ROBO1: variants seen among roughly 807,000 people sequenced by gnomAD.
ROBO1 encodes roundabout guidance receptor 1, also known as roundabout homolog 1.
In ROBO1, 149 loss-of-function variants were observed where a neutral mutation model predicts 195.9. That is an observed-to-expected ratio of 0.76 (90% CI 0.67 to 0.87). ROBO1 has a LOEUF of 0.87. Ranked by LOEUF, ROBO1 falls within the 40% of genes least tolerant of loss-of-function variation. ROBO1 has a pLI of 0.00. For synonymous variants in ROBO1, 816 were observed against 733.2 expected (o/e 1.11, Z -1.82); for missense variants, 1,933 against 2,068.3 (o/e 0.93, Z 1.27).
intron 1 of ROBO1, among the ~76,000 whole-genome samples, chr3:79,727,738 G>T (rs1049355284): frequency 6.6e-6 from 1 of 152,040 alleles, no homozygotes; most frequent in Admixed American, 6.6e-5. Context: ...TATCCTGCCT[G>T]CACCCTTTTA....
chr3:78,752,492 G>A (rs2082822337), intron 4 of ROBO1, among the ~76,000 whole-genome samples: 1 of 152,100 alleles, frequency 6.6e-6, no homozygotes, highest in South Asian at 2.1e-4. Context: ...GGATCAGAAA[G>A]CATATCATAA....
At chr3:79,739,447 G>T (rs1285211220) in intron 1 of ROBO1, among the ~76,000 whole-genome samples, 2 of 152,180 alleles carry the variant, frequency 1.3e-5, no homozygotes, top group Non-Finnish European at 2.9e-5. Flanking sequence ...GTCTGGGTTT[G>T]GTTTAACTCC....
chr3:78,688,482 A>G (rs2081098503), intron 9 of ROBO1, among the ~76,000 whole-genome samples, 166 bp downstream of exon 9: 1 of 152,194 alleles, frequency 6.6e-6, no homozygotes, highest in African/African-American at 2.4e-5. Context: ...CGGTGAAGAC[A>G]ATTTTGTCTT....
chr3:79,366,563 C>T (rs1310481390), intron 2 of ROBO1, among the ~76,000 whole-genome samples: 1 of 152,062 alleles, frequency 6.6e-6, no homozygotes, highest in Non-Finnish European at 1.5e-5. Context: ...GTTTTATATG[C>T]CCTCCTTACT....
chr3:79,693,942 TC>T (rs1312761384), intron 1 of ROBO1, among the ~76,000 whole-genome samples: 2 of 151,712 alleles, frequency 1.3e-5, no homozygotes, highest in Admixed American at 1.3e-4. Flanking sequence ...TTTTCAAAAT[TC>T]AGACTCTTTT....
At chr3:78,872,159 G>C (rs1444230607) in intron 4 of ROBO1, among the ~76,000 whole-genome samples, 1 of 152,114 alleles carries the variant, frequency 6.6e-6, no homozygotes, top group African/African-American at 2.4e-5. Flanking sequence ...ACTCTAGCCT[G>C]GGGAATTTTC....
rs2083149272 is a variant in ROBO1 at position 78,763,219 on chromosome 3, A to G, written c.500-16319T>C. 2.0e-5 allele frequency among the ~76,000 whole-genome samples: 3 copies of G among 152,200 alleles called. No individual in the cohort carries two copies. The South Asian group carries it at 6.2e-4, about 31-fold the overall frequency. On this transcript the variant is annotated intron_variant, in intron 4 of 30. Coordinates refer to ENST00000464233, the MANE Select transcript of ROBO1 (RefSeq NM_002941.4). ...AGTGTTGGTATCAAAGCAACAATTAAGCAAAAGAGAAGACAAAAGAACAAC... is the reference window on the plus strand; with the variant it reads ...AGTGTTGGTATCAAAGCAACAATTAGGCAAAAGAGAAGACAAAAGAACAAC...
rs182014461 is a variant in ROBO1, at chr3:79,158,799, T to A, written c.89-33260A>T. On this transcript the variant is annotated intron_variant, in intron 2 of 30. Coordinates refer to ENST00000464233, the MANE Select transcript of ROBO1 (RefSeq NM_002941.4). ...CTCTATGTTCATACCATATTTAATA[T>A]GGGTTTTTGTATTTACTTATAATAT... Among the ~76,000 whole-genome samples the A allele has an allele frequency of 5.5e-3, 830 of 152,050 alleles. 2 individuals are homozygous for A. The highest frequency in any genetic ancestry group is 9.8e-3 in the Non-Finnish European group (666 of 67,890).
rs376936328 is a variant in ROBO1, at chr3:78,696,975, T to C, written c.1046-8203A>G. Among the ~76,000 whole-genome samples the C allele has an allele frequency of 7.1e-3, 1,081 of 151,820 alleles. 1 individual carries two copies. Among genetic ancestry groups the C allele is most frequent in the South Asian group, 0.011 (52 of 4,808 alleles). On this transcript the variant is annotated intron_variant, in intron 8 of 30. Transcript: ENST00000464233. ...AAATCTTTATATGTTGAACGAAATA[T>C]CCATCTTTTTTGAAACATCAAAACA...
intron 3 of ROBO1, among the ~76,000 whole-genome samples, chr3:79,117,380 C>CAA (rs1006297506): frequency 1.4e-5 from 2 of 140,292 alleles, no homozygotes; most frequent in African/African-American, 5.2e-5. Context: ...AAAACAAAAA[C>CAA]AAAAAAAAAA....
intron 4 of ROBO1, among the ~76,000 whole-genome samples, chr3:78,839,236 A>AT (rs1165188082): frequency 2.0e-5 from 3 of 152,070 alleles, no homozygotes; most frequent in Admixed American, 6.6e-5. Context: ...ATCCTAAGTT[A>AT]TTTTTTTAAA....
At chr3:79,077,798 T>C (rs1410587924) in intron 3 of ROBO1, among the ~76,000 whole-genome samples, 1 of 151,920 alleles carries the variant, frequency 6.6e-6, no homozygotes, top group Non-Finnish European at 1.5e-5. Context: ...TGCCAAATGC[T>C]GAAAGCCAAA....
intron 3 of ROBO1, among the ~76,000 whole-genome samples, chr3:79,025,454 T>C (rs1327648858): frequency 6.6e-6 from 1 of 152,152 alleles, no homozygotes; most frequent in Non-Finnish European, 1.5e-5. Flanking sequence ...TTTGTTTACT[T>C]TTTTAGTCCC....
intron 27 of ROBO1, among the ~76,000 whole-genome samples, chr3:78,617,259 TTAG>T (rs1453923977): frequency 6.6e-6 from 1 of 152,136 alleles, no homozygotes; most frequent in African/African-American, 2.4e-5. Context: ...ACACAAAAAA[TTAG>T]AGTATACATT....
At chr3:79,575,550 T>C (rs1458694019) in intron 2 of ROBO1, among the ~76,000 whole-genome samples, 3 of 139,870 alleles carry the variant, frequency 2.1e-5, no homozygotes, top group Non-Finnish European at 4.6e-5. Context: ...TATAAATATA[T>C]ATAACAAATA....
chr3:78,643,479 G>C (rs1186020948), intron 21 of ROBO1, among the ~76,000 whole-genome samples: 1 of 152,082 alleles, frequency 6.6e-6, no homozygotes, highest in Non-Finnish European at 1.5e-5. Context: ...GTCGCTGGGT[G>C]GGGAGACAGT....
chr3:79,199,875 G>A (rs2081729785), intron 2 of ROBO1, among the ~76,000 whole-genome samples: 1 of 151,664 alleles, frequency 6.6e-6, no homozygotes, highest in African/African-American at 2.4e-5. Flanking sequence ...GCCCTGTACT[G>A]AATAAAGTGA....
rs545519125 is a variant in ROBO1 at position 79,000,814 on chromosome 3, A to G, written c.173-61887T>C. ...ATAAATCATTCTACTATAAAGACAC[A>G]TGCACACGTATGTTTACTGCAGCAC... is the stretch of plus-strand genomic sequence containing the variant. On this transcript the variant is annotated intron_variant, in intron 3 of 30. Transcript: ENST00000464233. Among the ~76,000 whole-genome samples, 4 of 152,300 alleles carry G rather than the reference A, an allele frequency of 2.6e-5. No homozygotes were observed. In the South Asian group the frequency reaches 8.3e-4, roughly 32 times the overall value.
chr3:79,502,508 C>T (rs1028949106), intron 2 of ROBO1, among the ~76,000 whole-genome samples: 3 of 152,108 alleles, frequency 2.0e-5, no homozygotes, highest in African/African-American at 7.2e-5. Context: ...CCTTCCCCAC[C>T]GCCATGGGCT....
Sources: allele counts gnomAD v4.1 joint callset (sites outside exome capture counted in the v4.1 genomes callset), GRCh38; gene constraint gnomAD v4.1.1; transcripts MANE v1.5; gene names NCBI Gene and HGNC (gene_info 2026-07-23, HGNC 2026-07-21).